ATF7: variants seen among roughly 807,000 people sequenced by gnomAD.
ATF7 encodes the protein cyclic AMP-dependent transcription factor ATF-7.
Under a neutral mutation model 50.4 loss-of-function variants are expected in ATF7, and 10 were observed. The observed-to-expected ratio is 0.20, with a 90% CI of 0.12 to 0.34. The LOEUF (loss-of-function observed/expected upper bound fraction) is 0.34, where lower values mean the gene tolerates loss of function less well. Ranked by LOEUF, ATF7 falls within the 10% of genes least tolerant of loss-of-function variation. ATF7 has a pLI of 1.00. For synonymous variants in ATF7, 201 were observed against 226.4 expected (o/e 0.89, Z 1.01); for missense variants, 465 against 613.9 (o/e 0.76, Z 2.56).
chr12:53,583,170 C>CAG (rs1212910848), intron 2 of ATF7, among the ~76,000 whole-genome samples: 2 of 152,164 alleles, frequency 1.3e-5, no homozygotes, highest in African/African-American at 4.8e-5. Flanking sequence ...AGGGGCCACA[C>CAG]AGCAGGGGGT....
chr12:53,529,206 G>A (rs771209325), intron 9 of ATF7, among the ~76,000 whole-genome samples: 8 of 151,984 alleles, frequency 5.3e-5, no homozygotes, highest in Non-Finnish European at 1.0e-4. Flanking sequence ...TATTTATTTA[G>A]TTATTTATTT....
Position 53,517,031 on chromosome 12 carries a change from C to A in ATF7, c.*106G>T, listed in dbSNP as rs1049061116. 4.9e-6 allele frequency: 6 copies of A among 1,231,714 alleles called. No homozygotes were observed. In the African/African-American group the frequency reaches 7.4e-5, roughly 15 times the overall value. The allele number at this position is 1,231,714 out of a possible 1,614,324, so 76.3% of individuals were successfully genotyped here. A position where few individuals can be genotyped will look rare whatever the true frequency, so the allele number is the denominator to read the frequency against. On this transcript the variant is annotated 3_prime_UTR_variant, in exon 12 of 12. Coordinates refer to ENST00000420353, the MANE Select transcript of ATF7 (RefSeq NM_006856.3). ...ATTACTCACAACACACAATTCCCCC[C>A]ACCCATATTGCCATGTCCAAGGCAG... is the stretch of plus-strand genomic sequence containing the variant.
chr12:53,538,264 C>T (rs997296473), intron 4 of ATF7, among the ~76,000 whole-genome samples: 2 of 152,112 alleles, frequency 1.3e-5, no homozygotes, highest in East Asian at 3.8e-4. Flanking sequence ...ACTTTCTCTG[C>T]CAACAAGGAT....
At chr12:53,552,744 AAAG>A (rs1217114704) in intron 2 of ATF7, 107 bp from the exon 3 acceptor site, 7 of 833,886 alleles carry the variant, frequency 8.4e-6, no homozygotes, top group African/African-American at 1.7e-5. Context: ...TGGTCCCTGG[AAAG>A]AAGAACTGGA....
chr12:53,535,218 T>C (rs1165553735), intron 5 of ATF7, among the ~76,000 whole-genome samples: 1 of 151,608 alleles, frequency 6.6e-6, no homozygotes, highest in African/African-American at 2.4e-5. Context: ...CCCCAGACAG[T>C]CTGTAGGACT....
rs369894502 is a variant in ATF7 at position 53,576,377 on chromosome 12, T to C, written c.49-23740A>G. ...GCTATGGTTTGAACAATGTTGTCCC[T>C]TGCAAAATTCATGTTGAAACCTAAT... On this transcript the variant is annotated intron_variant, in intron 2 of 11. Transcript: ENST00000420353. Among the ~76,000 whole-genome samples the C allele has an allele frequency of 3.9e-5, 6 of 152,302 alleles. No individual in the cohort carries two copies. In the South Asian group the frequency reaches 1.2e-3, roughly 32 times the overall value.
rs776155920 is a variant in ATF7, at chr12:53,600,949, G to A, written c.48+4C>T. ...ATTCACAATAAAGTATATTGTAAAC[G>A]TACCTGTCCACAGCCCGGGGCATTG... On this transcript the variant is annotated splice_donor_region_variant and intron_variant, in intron 2 of 11. Coordinates refer to ENST00000420353, the MANE Select transcript of ATF7 (RefSeq NM_006856.3). 21 of 1,612,496 alleles carry A rather than the reference G, an allele frequency of 1.3e-5. No homozygotes were observed. The highest frequency in any genetic ancestry group is 1.7e-5 in the Non-Finnish European group (20 of 1,179,288).
Position 53,514,684 on chromosome 12 carries a change from G to T in ATF7, c.*2453C>A, listed in dbSNP as rs1216628408. ...ACATCTTCCCACTGATAAAAATGAA[G>T]TTAGGACTAGATAATTAGTCATGGG... On this transcript the variant is annotated 3_prime_UTR_variant, in exon 12 of 12. Coordinates refer to ENST00000420353, the MANE Select transcript of ATF7 (RefSeq NM_006856.3). 2 of 152,120 alleles carry T rather than the reference G, an allele frequency of 1.3e-5. No individual in the cohort carries two copies. Among genetic ancestry groups the T allele is most frequent in the Admixed American group, 1.3e-4 (2 of 15,254 alleles). 9.4% of individuals were successfully genotyped at this position (152,120 alleles called of 1,614,324 possible). A position where few individuals can be genotyped will look rare whatever the true frequency, so the allele number is the denominator to read the frequency against.
chr12:53,565,302 G>GTT (rs200350633), intron 2 of ATF7, among the ~76,000 whole-genome samples: 2 of 146,760 alleles, frequency 1.4e-5, no homozygotes, highest in African/African-American at 5.0e-5. Context: ...AAAAAGATTA[G>GTT]TTTTTTTTTT....
At chr12:53,536,654 G>A (rs990553568) in intron 5 of ATF7, among the ~76,000 whole-genome samples, 2 of 151,914 alleles carry the variant, frequency 1.3e-5, no homozygotes, top group African/African-American at 2.4e-5. Flanking sequence ...TTGGGAGGCC[G>A]AGGCGGGCAG....
intron 5 of ATF7, among the ~76,000 whole-genome samples, chr12:53,536,299 C>T (rs1431578841): frequency 6.2e-5 from 9 of 145,652 alleles, no homozygotes; most frequent in East Asian, 4.0e-4. Context: ...TTTTTTGAGA[C>T]GGAGTTTTGC....
chr12:53,550,751 G>C (rs1221697501), intron 3 of ATF7, among the ~76,000 whole-genome samples: 1 of 152,184 alleles, frequency 6.6e-6, no homozygotes, highest in African/African-American at 2.4e-5. Context: ...TGACACACCA[G>C]GTCTTAACTG....
At chr12:53,559,656 G>C (rs142287243) in intron 2 of ATF7, among the ~76,000 whole-genome samples, 24,811 of 139,054 alleles carry the variant, frequency 0.18, 2,802 homozygotes, top group South Asian at 0.32. Context: ...TCCAGCCTGG[G>C]TGACAGAGTG....
intron 2 of ATF7, among the ~76,000 whole-genome samples, chr12:53,597,279 T>C (rs1464867507): frequency 6.6e-6 from 1 of 151,870 alleles, no homozygotes; most frequent in Non-Finnish European, 1.5e-5. Flanking sequence ...AATCCAAAAA[T>C]AACAGCCATT....
chr12:53,529,282 C>T (rs1339158347), intron 9 of ATF7, among the ~76,000 whole-genome samples: 1 of 152,182 alleles, frequency 6.6e-6, no homozygotes, highest in African/African-American at 2.4e-5. Flanking sequence ...TCACCGCAAC[C>T]TCCGCCTCCC....
In ATF7 at chr12:53,552,014, A is replaced by G. The variant is rs142888230; in HGVS notation, c.145+527T>C. On this transcript the variant is annotated intron_variant, in intron 3 of 11. Transcript: ENST00000420353. Reference sequence around the variant, plus strand: ...TTCCAGGTCACCCAAATTGGCTTAGAAAAGTCCCACTGACTAAATGTCTTG... The same window carrying G: ...TTCCAGGTCACCCAAATTGGCTTAGGAAAGTCCCACTGACTAAATGTCTTG... Among the ~76,000 whole-genome samples, 30 of 152,304 alleles carry G rather than the reference A, an allele frequency of 2.0e-4. 1 individual carries two copies. Among genetic ancestry groups the G allele is most frequent in the African/African-American group, 6.5e-4 (27 of 41,572 alleles).
At chr12:53,597,956 AT>A (rs1211129754) in intron 2 of ATF7, among the ~76,000 whole-genome samples, 1 of 152,190 alleles carries the variant, frequency 6.6e-6, no homozygotes, top group African/African-American at 2.4e-5. Flanking sequence ...CTTATTACCC[AT>A]CCTGGGATTT....
intron 2 of ATF7, among the ~76,000 whole-genome samples, chr12:53,568,806 G>C (rs116734222): frequency 1.3e-3 from 198 of 152,216 alleles, no homozygotes; most frequent in African/African-American, 4.5e-3. Flanking sequence ...ATATTTTTTA[G>C]AATGCTGGCC....
At chr12:53,610,074 C>G (rs1296658426) in intron 1 of ATF7, among the ~76,000 whole-genome samples, 1 of 151,988 alleles carries the variant, frequency 6.6e-6, no homozygotes, top group African/African-American at 2.4e-5. Flanking sequence ...GCCTCGGCCT[C>G]CCAAAGTGCT....
Sources: gnomAD v4.1 joint callset for allele counts (sites outside exome capture counted in the v4.1 genomes callset) on GRCh38, gnomAD v4.1.1 for gene constraint, MANE v1.5 for transcripts, NCBI Gene and HGNC (gene_info 2026-07-23, HGNC 2026-07-21) for gene names.